Variants in XKR4 observed in about 807,000 individuals in gnomAD.
XKR4 encodes the protein XK related 4, also known as XK-related protein 4.
In XKR4, 12 loss-of-function variants were observed where a neutral mutation model predicts 53.9. The observed-to-expected ratio is 0.22, with a 90% CI of 0.14 to 0.36. XKR4 has a LOEUF of 0.36. XKR4 is among the 10% of genes least tolerant of loss of function. The pLI is 1.00. For synonymous variants in XKR4, 354 were observed against 362.4 expected, an observed-to-expected ratio of 0.98 and a Z score of 0.26; for missense variants, 799 against 859.5, an observed-to-expected ratio of 0.93 and a Z score of 0.88.
intron 2 of XKR4, chr8:55,450,499 C>T (rs1805421592): frequency 3.2e-6 from 2 of 633,626 alleles, no homozygotes; most frequent in Non-Finnish European, 5.9e-6. Flanking sequence ...GCAGCCCCAG[C>T]TCAATGTGCT....
intron 1 of XKR4, among the ~76,000 whole-genome samples, chr8:55,174,215 A>T (rs1817201023): frequency 6.6e-6 from 1 of 152,200 alleles, no homozygotes; most frequent in South Asian, 2.1e-4. Flanking sequence ...CTTTTTTTTT[A>T]AACAATGGGA....
At chr8:55,248,282 A>G (rs1818317140) in intron 1 of XKR4, among the ~76,000 whole-genome samples, 1 of 152,214 alleles carries the variant, frequency 6.6e-6, no homozygotes, top group Admixed American at 6.5e-5. Context: ...TTTCATAGGC[A>G]TACAATACTA....
At chr8:55,145,764 T>G (rs889483198) in intron 1 of XKR4, among the ~76,000 whole-genome samples, 2 of 152,244 alleles carry the variant, frequency 1.3e-5, no homozygotes, top group African/African-American at 2.4e-5. Flanking sequence ...TCTATTGTCC[T>G]TAAGAACAAG....
intron 1 of XKR4, among the ~76,000 whole-genome samples, chr8:55,103,851 G>GTATATATATATATA (rs60831330): frequency 9.4e-6 from 1 of 106,012 alleles, no homozygotes; most frequent in African/African-American, 3.5e-5. Context: ...AAATGACTTT[G>GTATATATATATATA]TATATATATA....
intron 2 of XKR4, among the ~76,000 whole-genome samples, chr8:55,400,472 A>G (rs891796537): frequency 6.6e-6 from 1 of 152,156 alleles, no homozygotes; most frequent in African/African-American, 2.4e-5. Context: ...ACCTAGCAGT[A>G]CAGGAACCCA....
intron 1 of XKR4, among the ~76,000 whole-genome samples, chr8:55,315,536 G>T (rs1047280698): frequency 1.3e-5 from 2 of 152,178 alleles, no homozygotes; most frequent in Admixed American, 1.3e-4. Context: ...TAACTTGCCT[G>T]TAGTCCTAGC....
chr8:55,446,140 TA>T (rs1805343053), intron 2 of XKR4, among the ~76,000 whole-genome samples: 1 of 149,030 alleles, frequency 6.7e-6, no homozygotes, highest in Non-Finnish European at 1.5e-5. Context: ...CCTGAAACTA[TA>T]GCGTTATTCC....
intron 1 of XKR4, among the ~76,000 whole-genome samples, chr8:55,290,225 G>T (rs995907298): frequency 5.3e-5 from 8 of 151,740 alleles, no homozygotes; most frequent in African/African-American, 1.9e-4. Flanking sequence ...TGCTTCCCGG[G>T]TTCAATTGAT....
At chr8:55,329,043 C>A (rs1358278260) in intron 1 of XKR4, among the ~76,000 whole-genome samples, 1 of 152,160 alleles carries the variant, frequency 6.6e-6, no homozygotes, top group Admixed American at 6.6e-5. Flanking sequence ...GTTCCTGGAA[C>A]AAGGTGGCCC....
At chr8:55,301,682 A>G (rs1279934877) in intron 1 of XKR4, among the ~76,000 whole-genome samples, 2 of 151,978 alleles carry the variant, frequency 1.3e-5, no homozygotes, top group Admixed American at 1.3e-4. Context: ...TTTAATGATC[A>G]CCATTCTAAC....
chr8:55,520,221 C>T (rs996504258), intron 2 of XKR4, among the ~76,000 whole-genome samples: 4 of 152,206 alleles, frequency 2.6e-5, no homozygotes, highest in African/African-American at 9.7e-5. Flanking sequence ...TTGTATATGA[C>T]CCCATATTTT....
intron 2 of XKR4, among the ~76,000 whole-genome samples, chr8:55,515,548 TTTTG>T (rs776520967): frequency 2.6e-5 from 4 of 152,238 alleles, no homozygotes; most frequent in Non-Finnish European, 5.9e-5. Flanking sequence ...TGGATATTCA[TTTTG>T]TGACCTGCTA....
At chr8:55,160,432 T>A (rs7818892) in intron 1 of XKR4, among the ~76,000 whole-genome samples, 54,726 of 151,928 alleles carry the variant, frequency 0.36, 11,147 homozygotes, top group African/African-American at 0.57. Context: ...GAACTAGAAG[T>A]AAAAGAGGCA....
intron 2 of XKR4, among the ~76,000 whole-genome samples, chr8:55,484,307 C>T (rs1191457575): frequency 6.6e-6 from 1 of 152,160 alleles, no homozygotes; most frequent in Non-Finnish European, 1.5e-5. Flanking sequence ...AAGGAAGAAA[C>T]ATTTTCCAAT....
At chr8:55,332,680 A>G (rs915612103) in intron 1 of XKR4, among the ~76,000 whole-genome samples, 2 of 152,050 alleles carry the variant, frequency 1.3e-5, no homozygotes, top group Non-Finnish European at 1.5e-5. Context: ...TATCTTATTG[A>G]GTATAATGTG....
At chr8:55,454,539 G>T in intron 2 of XKR4, 1 of 1,408,274 alleles carries the variant, frequency 7.1e-7, no homozygotes, top group Non-Finnish European at 9.8e-7. Flanking sequence ...AGGCCACGCT[G>T]CAGCTGCTGA....
Position 55,481,443 on chromosome 8 carries a change from C to G in XKR4, c.1007-41838C>G, listed in dbSNP as rs551263435. Among the ~76,000 whole-genome samples the G allele has an allele frequency of 8.5e-5, 13 of 152,112 alleles. No homozygotes were observed. The East Asian group carries it at 2.5e-3, about 29-fold the overall frequency. On this transcript the variant is annotated intron_variant, in intron 2 of 2. Coordinates refer to ENST00000327381, the MANE Select transcript of XKR4 (RefSeq NM_052898.2). Reference sequence around the variant, plus strand: ...TGTTAGACCTAAAACCATAAAAACCCTAGAAGAAAACCTAGGCAATACCAT... The same window carrying G: ...TGTTAGACCTAAAACCATAAAAACCGTAGAAGAAAACCTAGGCAATACCAT...
At chr8:55,104,056 G>A (rs536108550) in intron 1 of XKR4, among the ~76,000 whole-genome samples, 1 of 151,798 alleles carries the variant, frequency 6.6e-6, no homozygotes, top group Non-Finnish European at 1.5e-5. Context: ...TGGTATCTTC[G>A]TTGGCTACTT....
chr8:55,516,366 T>C (rs1302161651), intron 2 of XKR4, among the ~76,000 whole-genome samples: 2 of 152,192 alleles, frequency 1.3e-5, no homozygotes, highest in Non-Finnish European at 2.9e-5. Context: ...AGAAGATATA[T>C]GTGTAATGAA....
Sources: allele counts gnomAD v4.1 joint callset (sites outside exome capture counted in the v4.1 genomes callset), GRCh38; gene constraint gnomAD v4.1.1; transcripts MANE v1.5; gene names NCBI Gene and HGNC (gene_info 2026-07-23, HGNC 2026-07-21).